MARCHF3: variants seen among roughly 807,000 people sequenced by gnomAD.
MARCHF3 encodes the protein E3 ubiquitin-protein ligase MARCHF3.
MARCHF3 carries 13 observed loss-of-function variants against 24.2 expected under a neutral mutation model. The observed-to-expected ratio is 0.54, with a 90% CI of 0.35 to 0.85. The LOEUF is 0.85. MARCHF3 is among the 40% of genes least tolerant of loss of function. The pLI, the probability that MARCHF3 is intolerant of heterozygous loss-of-function variation, is 0.01. For synonymous variants in MARCHF3, 144 were observed against 137.3 expected (o/e 1.05, Z -0.34); for missense variants, 276 against 325.0 (o/e 0.85, Z 1.16).
chr5:126,887,973 C>T (rs1287003062), intron 3 of MARCHF3, among the ~76,000 whole-genome samples: 1 of 152,154 alleles, frequency 6.6e-6, no homozygotes, highest in Non-Finnish European at 1.5e-5. Flanking sequence ...TTCCTTTCTC[C>T]CCAGCAGGGA....
intron 1 of MARCHF3, among the ~76,000 whole-genome samples, chr5:126,985,711 G>A (rs1297314637): frequency 6.6e-6 from 1 of 152,048 alleles, no homozygotes; most frequent in East Asian, 1.9e-4. Context: ...TCCTGACCTC[G>A]TGATCCACCT....
chr5:127,029,035 A>T (rs1264142243), intron 1 of MARCHF3, among the ~76,000 whole-genome samples: 1 of 152,186 alleles, frequency 6.6e-6, no homozygotes, highest in Admixed American at 6.5e-5. Flanking sequence ...ATTGAACTGA[A>T]CGCTCGTAAA....
intron 1 of MARCHF3, among the ~76,000 whole-genome samples, chr5:126,928,211 G>C (rs559464133): frequency 2.0e-4 from 31 of 152,268 alleles, no homozygotes; most frequent in Admixed American, 7.8e-4. Context: ...TGTTCCTGAG[G>C]ACGGTGTTTT....
At chr5:127,022,594 AG>A (rs1366087413) in intron 1 of MARCHF3, among the ~76,000 whole-genome samples, 5 of 152,188 alleles carry the variant, frequency 3.3e-5, no homozygotes, top group African/African-American at 1.2e-4. Flanking sequence ...GTTGCAAGAA[AG>A]GGTCCGCACA....
intron 1 of MARCHF3, among the ~76,000 whole-genome samples, chr5:127,001,020 A>G (rs1453657458): frequency 3.9e-5 from 6 of 152,074 alleles, no homozygotes; most frequent in Non-Finnish European, 8.8e-5. Flanking sequence ...TGGGCAGATC[A>G]TGAGGTCAGA....
chr5:127,030,363 T>A lies in MARCHF3; in HGVS notation c.-70A>T, dbSNP rs534668696. 6.6e-6 allele frequency: 1 copy of A among 152,102 alleles called. No individual in the cohort carries two copies. The highest frequency in any genetic ancestry group is 2.1e-4 in the South Asian group (1 of 4,826). 9.4% of individuals were successfully genotyped at this position (152,102 alleles called of 1,614,324 possible). ...GCGGCCACTCACCGTCCTCGCCGAG[T>A]CCCGATAGCAAACCGACGTCCCTGC... On this transcript the variant is annotated 5_prime_UTR_variant, in exon 1 of 5. Coordinates refer to ENST00000308660, the MANE Select transcript of MARCHF3 (RefSeq NM_178450.5).
chr5:126,979,732 T>C (rs1310948709), intron 1 of MARCHF3, among the ~76,000 whole-genome samples: 4 of 152,138 alleles, frequency 2.6e-5, no homozygotes, highest in African/African-American at 9.7e-5. Context: ...GCAGATCACC[T>C]GAGATCAGGA....
intron 1 of MARCHF3, among the ~76,000 whole-genome samples, chr5:126,967,929 TATCATC>T (rs367758577): frequency 6.6e-6 from 1 of 152,174 alleles, no homozygotes; most frequent in Non-Finnish European, 1.5e-5. Context: ...TCCAGGGCAT[TATCATC>T]ACCCCAGAAG....
chr5:126,950,729 T>C (rs1466921161), intron 1 of MARCHF3, among the ~76,000 whole-genome samples: 1 of 152,174 alleles, frequency 6.6e-6, no homozygotes, highest in Non-Finnish European at 1.5e-5. Flanking sequence ...TCTGGTTATT[T>C]CTTCCACCTC....
intron 1 of MARCHF3, among the ~76,000 whole-genome samples, chr5:126,977,267 T>G (rs1229407983): frequency 6.6e-6 from 1 of 152,234 alleles, no homozygotes; most frequent in African/African-American, 2.4e-5. Flanking sequence ...TAGTGGCTTA[T>G]ATAATTGACT....
At chr5:126,909,602 A>C (rs1384693869) in intron 3 of MARCHF3, among the ~76,000 whole-genome samples, 1 of 152,084 alleles carries the variant, frequency 6.6e-6, no homozygotes, top group Admixed American at 6.5e-5. Flanking sequence ...GTCTGTCACC[A>C]CTTTCTTTGA....
At chr5:126,890,089 CTGGGTA>C (rs1326685000) in intron 3 of MARCHF3, among the ~76,000 whole-genome samples, 2 of 152,158 alleles carry the variant, frequency 1.3e-5, no homozygotes, top group Non-Finnish European at 1.5e-5. Context: ...ATATCTTTCA[CTGGGTA>C]TGGGGCCCAG....
intron 1 of MARCHF3, among the ~76,000 whole-genome samples, chr5:127,002,438 A>G (rs1449725995): frequency 6.6e-6 from 1 of 152,214 alleles, no homozygotes; most frequent in Non-Finnish European, 1.5e-5. Flanking sequence ...ATTGAAAAAA[A>G]CTGATGTCTG....
intron 3 of MARCHF3, among the ~76,000 whole-genome samples, chr5:126,893,913 G>A (rs1332321680): frequency 7.8e-5 from 6 of 76,772 alleles, no homozygotes; most frequent in Non-Finnish European, 1.4e-4. Flanking sequence ...CATTATTAAT[G>A]TGTGGGAGTC....
chr5:127,030,111 T>C (rs1224165337), intron 1 of MARCHF3: 1 of 152,052 alleles, frequency 6.6e-6, no homozygotes, highest in African/African-American at 2.4e-5. Flanking sequence ...CCTACCCATG[T>C]CAATTACGCC....
intron 1 of MARCHF3, among the ~76,000 whole-genome samples, chr5:127,001,071 C>T (rs537359112): frequency 1.3e-5 from 2 of 151,886 alleles, no homozygotes; most frequent in Non-Finnish European, 2.9e-5. Context: ...AACTCCATCT[C>T]TATTAAAAAT....
intron 3 of MARCHF3, among the ~76,000 whole-genome samples, chr5:126,906,686 T>C (rs1474194657): frequency 1.3e-5 from 2 of 152,290 alleles, no homozygotes; most frequent in Non-Finnish European, 2.9e-5. Context: ...TTTTTTATTG[T>C]GTCTATTTGA....
intron 3 of MARCHF3, among the ~76,000 whole-genome samples, chr5:126,886,009 A>AT (rs1042790623): frequency 3.3e-4 from 49 of 146,380 alleles, no homozygotes; most frequent in East Asian, 1.4e-3. Context: ...TATATATATA[A>AT]TTTTTTTTTT....
intron 3 of MARCHF3, among the ~76,000 whole-genome samples, chr5:126,905,256 C>G (rs1754245994): frequency 2.4e-5 from 3 of 125,248 alleles, no homozygotes; most frequent in African/African-American, 9.3e-5. Context: ...TGTGATGCCT[C>G]CAGCTTTGTT....
Sources: gnomAD v4.1 joint callset for allele counts (sites outside exome capture counted in the v4.1 genomes callset) on GRCh38, gnomAD v4.1.1 for gene constraint, MANE v1.5 for transcripts, NCBI Gene and HGNC (gene_info 2026-07-23, HGNC 2026-07-21) for gene names.